The following PHEX variants were observed in gnomAD, a reference collection of about 807,000 sequenced individuals.
PHEX encodes the protein phosphate regulating endopeptidase X-linked, also known as phosphate-regulating neutral endopeptidase PHEX.
PHEX carries 16 observed loss-of-function variants against 68.0 expected under a neutral mutation model. The observed-to-expected ratio is 0.24, with a 90% CI of 0.16 to 0.36. The LOEUF is 0.36. Among genes scored for constraint, PHEX ranks in the 10% least tolerant of loss-of-function variants. The pLI is 1.00. For synonymous variants in PHEX, 208 were observed against 205.1 expected (o/e 1.01, Z -0.12); for missense variants, 480 against 575.5 (o/e 0.83, Z 1.70).
At chrX:22,186,087 T>C (rs774908043) in intron 14 of PHEX, among the ~76,000 whole-genome samples, 2 of 111,671 alleles carry the variant, frequency 1.8e-5, no homozygotes, top group Non-Finnish European at 3.8e-5. Flanking sequence ...TACAGTCAGA[T>C]AGTGGCTGGG....
chrX:22,145,023 A>G (rs1437213718), intron 12 of PHEX, among the ~76,000 whole-genome samples: 2 of 111,438 alleles, frequency 1.8e-5, no homozygotes, highest in Non-Finnish European at 3.8e-5. Flanking sequence ...TTCAGGTTCA[A>G]TTTTCTTTGG....
chrX:22,212,374 G>A (rs1934956334), intron 15 of PHEX, among the ~76,000 whole-genome samples: 1 of 111,640 alleles, frequency 9.0e-6, no homozygotes, highest in Admixed American at 9.5e-5. Context: ...GGGGCTCCTA[G>A]GAACAACAGA....
At chrX:22,093,504 C>G (rs182942372) in intron 6 of PHEX, among the ~76,000 whole-genome samples, 53 of 111,939 alleles carry the variant, frequency 4.7e-4, no homozygotes, top group Middle Eastern at 4.6e-3. Flanking sequence ...TGTCACTGGT[C>G]TTTTATTTCT....
chrX:22,215,507 G>C (rs1022060390), intron 16 of PHEX, among the ~76,000 whole-genome samples: 11 of 111,483 alleles, frequency 9.9e-5, no homozygotes, highest in South Asian at 3.8e-4. Flanking sequence ...TTCCAGAAGA[G>C]AGAATCAGGA....
At chrX:22,247,736 A>G (rs951995367) in intron 21 of PHEX, 115 bp from the exon 22 acceptor site, 63 of 569,656 alleles carry the variant, frequency 1.1e-4, no homozygotes, top group Middle Eastern at 3.3e-4. Context: ...GTCTCCCTGT[A>G]AACAGATTAA....
chrX:22,145,409 G>C (rs1266008408), intron 12 of PHEX, among the ~76,000 whole-genome samples: 3 of 111,459 alleles, frequency 2.7e-5, no homozygotes, highest in Non-Finnish European at 5.7e-5. Context: ...TCAGGAGTTT[G>C]AGACCAGACC....
intron 5 of PHEX, among the ~76,000 whole-genome samples, chrX:22,085,314 C>T (rs1305023294): frequency 9.0e-6 from 1 of 111,201 alleles, no homozygotes; most frequent in Non-Finnish European, 1.9e-5. Context: ...GTGGCTCATG[C>T]CTGTAATCCC....
At chrX:22,216,285 G>A (rs1935084023) in intron 16 of PHEX, among the ~76,000 whole-genome samples, 1 of 111,340 alleles carries the variant, frequency 9.0e-6, no homozygotes, top group South Asian at 3.7e-4. Context: ...CTAGACAGCA[G>A]TATAGTTGTT....
At chrX:22,112,798 G>A (rs1346388448) in intron 10 of PHEX, among the ~76,000 whole-genome samples, 2 of 110,548 alleles carry the variant, frequency 1.8e-5, no homozygotes, top group Admixed American at 9.7e-5. Context: ...AGCTACTCGG[G>A]GGGCTGAGGC....
chrX:22,107,807 C>T (rs1311593006), intron 9 of PHEX, among the ~76,000 whole-genome samples: 1 of 111,920 alleles, frequency 8.9e-6, no homozygotes, highest in East Asian at 2.8e-4. Flanking sequence ...CCCTGCTCAG[C>T]TAAAAGCTTC....
chrX:22,234,998 C>T (rs762874616), intron 20 of PHEX, among the ~76,000 whole-genome samples: 7 of 111,655 alleles, frequency 6.3e-5, no homozygotes, highest in Non-Finnish European at 3.8e-5. Flanking sequence ...CTGCAGGTTG[C>T]GAAGACCGTG....
At chrX:22,210,609 TACTAAA>T (rs771152416) in intron 15 of PHEX, among the ~76,000 whole-genome samples, 1 of 111,564 alleles carries the variant, frequency 9.0e-6, no homozygotes, top group Admixed American at 9.6e-5. Context: ...GAGAATGACT[TACTAAA>T]AGTAATCACC....
intron 3 of PHEX, among the ~76,000 whole-genome samples, chrX:22,058,586 T>A (rs10521912): frequency 0.15 from 16,443 of 111,680 alleles, 1,126 homozygotes; most frequent in Admixed American, 0.24. Context: ...TTTGTACGTA[T>A]TCCCAACTTG....
intron 11 of PHEX, among the ~76,000 whole-genome samples, chrX:22,118,445 T>G (rs1256316493): frequency 9.1e-6 from 1 of 109,771 alleles, no homozygotes; most frequent in Admixed American, 9.8e-5. Context: ...GTTACATTAG[T>G]GCAAGTAACT....
intron 12 of PHEX, among the ~76,000 whole-genome samples, chrX:22,161,896 A>G (rs750045390): frequency 8.9e-6 from 1 of 111,747 alleles, no homozygotes; most frequent in African/African-American, 3.3e-5. Flanking sequence ...AATAATTTTG[A>G]TGGATGAGAA....
chrX:22,133,709 T>C (rs1815922089), intron 12 of PHEX, 85 bp downstream of exon 12: 1 of 693,865 alleles, frequency 1.4e-6, no homozygotes, highest in Non-Finnish European at 2.3e-6. Flanking sequence ...AGTTGGTTTT[T>C]ATATTGACTG....
chrX:22,215,070 A>G (rs915266690), intron 16 of PHEX, among the ~76,000 whole-genome samples: 2 of 111,755 alleles, frequency 1.8e-5, no homozygotes, highest in Non-Finnish European at 3.8e-5. Flanking sequence ...CTGAGCTTCT[A>G]TTATTGTGGT....
At chrX:22,238,850 A>G (rs1214452429) in intron 20 of PHEX, among the ~76,000 whole-genome samples, 1 of 111,876 alleles carries the variant, frequency 8.9e-6, no homozygotes, top group Non-Finnish European at 1.9e-5. Context: ...TCCCTGCCTG[A>G]CAGCCAGCAC....
intron 1 of PHEX, among the ~76,000 whole-genome samples, chrX:22,034,463 C>T (rs1449380692): frequency 8.9e-6 from 1 of 112,446 alleles, no homozygotes; most frequent in Non-Finnish European, 1.9e-5. Context: ...TTCTCCGCGG[C>T]AGCAAATCTT....
Sources: gnomAD v4.1 joint callset for allele counts (sites outside exome capture counted in the v4.1 genomes callset) on GRCh38, gnomAD v4.1.1 for gene constraint, MANE v1.5 for transcripts, NCBI Gene and HGNC (gene_info 2026-07-23, HGNC 2026-07-21) for gene names.